The following MTUS1 variants were observed in gnomAD, a reference collection of about 807,000 sequenced individuals.
MTUS1 encodes the protein microtubule associated scaffold protein 1.
A neutral mutation model predicts 120.8 loss-of-function variants in MTUS1; 109 were observed. The ratio of observed to expected loss-of-function variants is 0.90; its 90% CI spans 0.77 to 1.06. The LOEUF is 1.06. MTUS1 is among the 50% of genes least tolerant of loss of function. MTUS1 has a pLI of 0.00. For missense variants in MTUS1, 2,210 were observed against 1,486.3 expected, an observed-to-expected ratio of 1.49 and a Z score of -8.01; for synonymous variants, 737 against 550.5, an observed-to-expected ratio of 1.34 and a Z score of -4.74.
intron 3 of MTUS1, among the ~76,000 whole-genome samples, chr8:17,726,187 C>T (rs1213250846): frequency 6.6e-6 from 1 of 152,174 alleles, no homozygotes; most frequent in Non-Finnish European, 1.5e-5. Flanking sequence ...TGCAGCTCCA[C>T]CCTAGGCCTA....
chr8:17,675,394 A>T, intron 7 of MTUS1, 142 bp from the exon 8 acceptor site: 1 of 640,942 alleles, frequency 1.6e-6, no homozygotes. Flanking sequence ...TTGTGTTGTT[A>T]AAAGAAACAC....
At chr8:17,673,286 T>C in intron 8 of MTUS1, among the ~76,000 whole-genome samples, 1 of 151,052 alleles carries the variant, frequency 6.6e-6, no homozygotes, top group South Asian at 2.1e-4. Flanking sequence ...CTCAAGTCTT[T>C]GGGATTCTGA....
intron 10 of MTUS1, chr8:17,654,340 C>G (rs184208214): frequency 4.5e-4 from 251 of 560,136 alleles, no homozygotes; most frequent in African/African-American, 4.1e-3. Context: ...CAAAGCCCAT[C>G]CTATTTAACA....
At chr8:17,687,725 GA>G (rs1327146125) in intron 6 of MTUS1, among the ~76,000 whole-genome samples, 1 of 152,188 alleles carries the variant, frequency 6.6e-6, no homozygotes, top group Non-Finnish European at 1.5e-5. Context: ...CCTCCATCAG[GA>G]AAACGAAGGC....
At chr8:17,778,862 A>G (rs76937567) in intron 1 of MTUS1, among the ~76,000 whole-genome samples, 13,004 of 152,194 alleles carry the variant, frequency 0.085, 1,877 homozygotes, top group African/African-American at 0.29. Flanking sequence ...ACACCAAACC[A>G]AAGCTACTGA....
At chr8:17,731,766 T>G (rs2046599591) in intron 3 of MTUS1, among the ~76,000 whole-genome samples, 1 of 152,118 alleles carries the variant, frequency 6.6e-6, no homozygotes, top group Non-Finnish European at 1.5e-5. Flanking sequence ...GAGCGAAAGC[T>G]CTTGATGAAA....
intron 7 of MTUS1, chr8:17,676,630 T>A: frequency 2.6e-6 from 1 of 386,484 alleles, no homozygotes. Flanking sequence ...TGCCATTTAG[T>A]TAAATATCAG....
intron 1 of MTUS1, among the ~76,000 whole-genome samples, chr8:17,781,209 A>G (rs1234686130): frequency 1.3e-5 from 2 of 152,246 alleles, no homozygotes; most frequent in East Asian, 1.9e-4. Context: ...TACGTTTCAA[A>G]TATCTCATAG....
intron 1 of MTUS1, among the ~76,000 whole-genome samples, chr8:17,766,761 A>G (rs1008268346): frequency 6.6e-6 from 1 of 152,186 alleles, no homozygotes; most frequent in African/African-American, 2.4e-5. Flanking sequence ...GATAGTGCAG[A>G]GTTAATGGAT....
rs148795893 is a variant in MTUS1, at chr8:17,787,826, C to A, written c.-155+13235G>T. Among the ~76,000 whole-genome samples, 5 of 152,284 alleles carry A rather than the reference C, an allele frequency of 3.3e-5. No homozygotes were observed. The East Asian group carries it at 7.7e-4, about 24-fold the overall frequency. ...AAGCTCAATAGTTTATTCATCCAGTCACGAAGACTTTCTGGCTGGGCACAG... is the reference window on the plus strand; with the variant it reads ...AAGCTCAATAGTTTATTCATCCAGTAACGAAGACTTTCTGGCTGGGCACAG... On this transcript the variant is annotated intron_variant, in intron 1 of 14. Coordinates refer to ENST00000693296, the MANE Select transcript of MTUS1 (RefSeq NM_001363059.2).
At chr8:17,646,713 T>C (rs141047245) in intron 14 of MTUS1, among the ~76,000 whole-genome samples, 1 of 152,230 alleles carries the variant, frequency 6.6e-6, no homozygotes, top group Non-Finnish European at 1.5e-5. Context: ...TTTGGTTTTG[T>C]GTTGCTCTTT....
At chr8:17,792,812 C>T (rs1368086156) in intron 1 of MTUS1, among the ~76,000 whole-genome samples, 1 of 151,866 alleles carries the variant, frequency 6.6e-6, no homozygotes, top group Non-Finnish European at 1.5e-5. Context: ...TGCAGTGAGC[C>T]GAGATCACAC....
intron 8 of MTUS1, among the ~76,000 whole-genome samples, chr8:17,670,009 A>T (rs1020673429): frequency 6.6e-6 from 1 of 152,258 alleles, no homozygotes; most frequent in Non-Finnish European, 1.5e-5. Context: ...GACTTAAAAC[A>T]GCAGCAGCCA....
At chr8:17,770,030 A>G (rs1207320210) in intron 1 of MTUS1, among the ~76,000 whole-genome samples, 1 of 152,166 alleles carries the variant, frequency 6.6e-6, no homozygotes, top group African/African-American at 2.4e-5. Context: ...TATATAATAC[A>G]TAATAATTTC....
At chr8:17,724,629 C>T (rs879823031) in intron 3 of MTUS1, among the ~76,000 whole-genome samples, 1 of 152,250 alleles carries the variant, frequency 6.6e-6, no homozygotes, top group Non-Finnish European at 1.5e-5. Flanking sequence ...ATACAGGCTG[C>T]GTATCCTCTG....
intron 5 of MTUS1, among the ~76,000 whole-genome samples, chr8:17,713,706 C>T (rs952264374): frequency 2.0e-5 from 3 of 152,154 alleles, no homozygotes; most frequent in African/African-American, 7.2e-5. Context: ...TTCCTCCAAA[C>T]TGATAAAATA....
chr8:17,719,031 G>A (rs747651597), intron 4 of MTUS1, among the ~76,000 whole-genome samples: 21 of 152,040 alleles, frequency 1.4e-4, no homozygotes, highest in East Asian at 7.8e-4. Context: ...TTAGCTGGAC[G>A]TGGTGGTAGG....
chr8:17,651,802 G>A (rs1284433533), intron 12 of MTUS1: 1 of 152,156 alleles, frequency 6.6e-6, no homozygotes, highest in Admixed American at 6.5e-5. Context: ...AAAAGCGGCT[G>A]CAGTAGAAGA....
chr8:17,774,424 T>A (rs536933014), intron 1 of MTUS1, among the ~76,000 whole-genome samples: 16 of 152,132 alleles, frequency 1.1e-4, no homozygotes, highest in Non-Finnish European at 1.2e-4. Context: ...AAAATGAAAG[T>A]AAGTTTACCC....
Sources: gnomAD v4.1 joint callset for allele counts (sites outside exome capture counted in the v4.1 genomes callset) on GRCh38, gnomAD v4.1.1 for gene constraint, MANE v1.5 for transcripts, NCBI Gene and HGNC (gene_info 2026-07-23, HGNC 2026-07-21) for gene names.